DLG2: variants seen among roughly 807,000 people sequenced by gnomAD.
DLG2 encodes discs large MAGUK scaffold protein 2.
DLG2 carries 45 observed loss-of-function variants against 132.5 expected under a neutral mutation model. That is an observed-to-expected ratio of 0.34 (90% confidence interval 0.27 to 0.44). The LOEUF is 0.44. Among genes scored for constraint, DLG2 ranks in the 20% least tolerant of loss-of-function variants. The pLI, the probability that DLG2 is intolerant of heterozygous loss-of-function variation, is 1.00. For synonymous variants in DLG2, 424 were observed against 419.6 expected, an observed-to-expected ratio of 1.01 and a Z score of -0.13; for missense variants, 1,045 against 1,196.9, an observed-to-expected ratio of 0.87 and a Z score of 1.87.
chr11:83,882,957 T>G (rs1222550537), intron 15 of DLG2, among the ~76,000 whole-genome samples: 1 of 152,134 alleles, frequency 6.6e-6, no homozygotes, highest in Non-Finnish European at 1.5e-5. Flanking sequence ...AGCCCTTGGT[T>G]TTCTCCATCC....
intron 6 of DLG2, among the ~76,000 whole-genome samples, chr11:84,963,466 T>A (rs1394230675): frequency 6.6e-6 from 1 of 152,204 alleles, no homozygotes; most frequent in Admixed American, 6.5e-5. Context: ...CAATAAGGTA[T>A]CTGCAGAGGA....
chr11:83,804,529 T>C (rs969012375), intron 17 of DLG2, among the ~76,000 whole-genome samples: 4 of 151,194 alleles, frequency 2.6e-5, no homozygotes, highest in African/African-American at 9.7e-5. Flanking sequence ...GTTCTCCCTC[T>C]CTTCCTCCTT....
At chr11:84,409,416 G>A (rs1230037961) in intron 7 of DLG2, among the ~76,000 whole-genome samples, 1 of 152,170 alleles carries the variant, frequency 6.6e-6, no homozygotes, top group Non-Finnish European at 1.5e-5. Flanking sequence ...AGTAGGAGTG[G>A]TATTGTCAGC....
In DLG2 at chr11:85,523,452, T is replaced by C. The variant is rs890315363; in HGVS notation, c.40+75205A>G. Reference sequence around the variant, plus strand: ...AACAGACATTTCTCAAAAGAAGACATACAAATAGGCAAACAAGTACATGAA... The same window carrying C: ...AACAGACATTTCTCAAAAGAAGACACACAAATAGGCAAACAAGTACATGAA... On this transcript the variant is annotated intron_variant, in intron 3 of 27. Transcript: ENST00000376104. Among the ~76,000 whole-genome samples, 14 of 152,174 alleles carry C rather than the reference T, an allele frequency of 9.2e-5. No homozygotes were observed. In the East Asian group the frequency reaches 1.5e-3, roughly 17 times the overall value.
At chr11:85,454,671 C>A (rs563305927) in intron 3 of DLG2, among the ~76,000 whole-genome samples, 1 of 152,010 alleles carries the variant, frequency 6.6e-6, no homozygotes, top group Non-Finnish European at 1.5e-5. Context: ...TTAGGTTTTA[C>A]GTTTAAGTCT....
At chr11:84,584,028 T>G (rs933813134) in intron 6 of DLG2, among the ~76,000 whole-genome samples, 1 of 152,290 alleles carries the variant, frequency 6.6e-6, no homozygotes, top group South Asian at 2.1e-4. Flanking sequence ...CTATGGGCAA[T>G]GGACATTTAC....
chr11:83,582,092 G>A (rs574311293), intron 19 of DLG2, among the ~76,000 whole-genome samples: 5 of 151,778 alleles, frequency 3.3e-5, no homozygotes, highest in Non-Finnish European at 5.9e-5. Context: ...AAGTAGCTGG[G>A]ATTACAGGCA....
At chr11:85,468,494 A>T (rs2092878102) in intron 3 of DLG2, among the ~76,000 whole-genome samples, 1 of 152,196 alleles carries the variant, frequency 6.6e-6, no homozygotes, top group African/African-American at 2.4e-5. Flanking sequence ...TGTGTCCCAG[A>T]GATTCCGGTA....
intron 6 of DLG2, among the ~76,000 whole-genome samples, chr11:84,968,492 G>T (rs775107254): frequency 6.6e-6 from 1 of 152,074 alleles, no homozygotes; most frequent in Non-Finnish European, 1.5e-5. Flanking sequence ...CTTAGAGTCT[G>T]TCCATGAACT....
chr11:84,985,864 T>G (rs1592236074), intron 6 of DLG2, among the ~76,000 whole-genome samples: 1 of 150,876 alleles, frequency 6.6e-6, no homozygotes, highest in East Asian at 2.0e-4. Flanking sequence ...TGATGGCGGG[T>G]GCCTGTAACC....
intron 3 of DLG2, among the ~76,000 whole-genome samples, chr11:85,517,031 AT>A (rs1248754586): frequency 5.3e-5 from 8 of 152,132 alleles, no homozygotes; most frequent in African/African-American, 1.9e-4. Flanking sequence ...CCCTCAAAAA[AT>A]ATGAGAAAAC....
chr11:84,356,367 T>A (rs1244497688), intron 7 of DLG2, among the ~76,000 whole-genome samples: 1 of 152,142 alleles, frequency 6.6e-6, no homozygotes, highest in African/African-American at 2.4e-5. Flanking sequence ...GAAGCTTATA[T>A]GCTAGCAAGA....
At chr11:85,132,975 A>G (rs1367959888) in intron 5 of DLG2, 2 of 354,728 alleles carry the variant, frequency 5.6e-6, no homozygotes, top group East Asian at 1.5e-4. Context: ...GCTCAAGGCA[A>G]GCAGGATTCT....
At chr11:84,936,490 A>C (rs1472254163) in intron 6 of DLG2, among the ~76,000 whole-genome samples, 2 of 152,124 alleles carry the variant, frequency 1.3e-5, no homozygotes, top group African/African-American at 4.8e-5. Flanking sequence ...TAAATAAATA[A>C]ATGAACTATA....
At chr11:84,500,796 G>A (rs2099201912) in intron 7 of DLG2, among the ~76,000 whole-genome samples, 1 of 152,144 alleles carries the variant, frequency 6.6e-6, no homozygotes, top group South Asian at 2.1e-4. Context: ...CCAACACAGT[G>A]TAGTATAAAT....
intron 3 of DLG2, among the ~76,000 whole-genome samples, chr11:85,344,662 T>C (rs2152865383): frequency 6.6e-6 from 1 of 152,336 alleles, no homozygotes; most frequent in Admixed American, 6.5e-5. Flanking sequence ...TCTATCATTT[T>C]GATTGTATTT....
chr11:85,373,064 C>T (rs2085115955), intron 3 of DLG2, among the ~76,000 whole-genome samples: 1 of 152,196 alleles, frequency 6.6e-6, no homozygotes, highest in Non-Finnish European at 1.5e-5. Context: ...ATGCATCCTC[C>T]AAACTGAAAA....
chr11:84,000,842 A>G (rs1331122709), intron 11 of DLG2, among the ~76,000 whole-genome samples: 1 of 152,178 alleles, frequency 6.6e-6, no homozygotes, highest in African/African-American at 2.4e-5. Flanking sequence ...GACCAGCTCT[A>G]TAAGAAATGC....
chr11:84,079,548 G>A (rs1026168668), intron 10 of DLG2, among the ~76,000 whole-genome samples: 1 of 152,168 alleles, frequency 6.6e-6, no homozygotes, highest in African/African-American at 2.4e-5. Context: ...CTCCCAAAGT[G>A]TTGGGATTAC....
Sources: allele counts gnomAD v4.1 joint callset (sites outside exome capture counted in the v4.1 genomes callset), GRCh38; gene constraint gnomAD v4.1.1; transcripts MANE v1.5; gene names NCBI Gene and HGNC (gene_info 2026-07-23, HGNC 2026-07-21).